Variants in CMTM7 observed in about 807,000 individuals in gnomAD.
CMTM7 encodes the protein CKLF like MARVEL transmembrane domain containing 7, also known as CKLF-like MARVEL transmembrane domain-containing protein 7.
A neutral mutation model predicts 19.3 loss-of-function variants in CMTM7; 7 were observed. That is an observed-to-expected ratio of 0.36 (90% CI 0.21 to 0.68). The LOEUF (loss-of-function observed/expected upper bound fraction) is 0.68. CMTM7 is among the 30% of genes least tolerant of loss of function. The pLI is 0.60. For missense variants in CMTM7, 193 were observed against 232.6 expected, an observed-to-expected ratio of 0.83 and a Z score of 1.11; for synonymous variants, 87 against 99.3, an observed-to-expected ratio of 0.88 and a Z score of 0.74.
intron 1 of CMTM7, among the ~76,000 whole-genome samples, chr3:32,418,849 T>C (rs1250250055): frequency 2.6e-5 from 4 of 152,214 alleles, no homozygotes; most frequent in Non-Finnish European, 4.4e-5. Flanking sequence ...AAAGTTGTTT[T>C]TGGTTATTCT....
intron 3 of CMTM7, among the ~76,000 whole-genome samples, chr3:32,450,526 A>T (rs1696814328): frequency 2.0e-5 from 3 of 152,100 alleles, no homozygotes; most frequent in African/African-American, 7.2e-5. Context: ...CCACTGAGGG[A>T]TGGAGTCTCT....
chr3:32,417,065 A>C (rs908206268), intron 1 of CMTM7, among the ~76,000 whole-genome samples: 1 of 152,214 alleles, frequency 6.6e-6, no homozygotes, highest in Non-Finnish European at 1.5e-5. Context: ...AGAAGTTTTT[A>C]GTCTGTTCAC....
At chr3:32,397,732 CAA>C (rs35149379) in intron 1 of CMTM7, among the ~76,000 whole-genome samples, 9,064 of 140,382 alleles carry the variant, frequency 0.065, 320 homozygotes, top group East Asian at 0.15. Flanking sequence ...GACTCTGTCT[CAA>C]AAAAAAAAAA....
chr3:32,451,737 A>C (rs1308077957), intron 3 of CMTM7: 1 of 222,410 alleles, frequency 4.5e-6, no homozygotes, highest in African/African-American at 2.4e-5. Context: ...TCCCACAGGC[A>C]CTCTTCGTCT....
intron 1 of CMTM7, among the ~76,000 whole-genome samples, chr3:32,441,439 G>A (rs1197524075): frequency 6.6e-6 from 1 of 152,198 alleles, no homozygotes; most frequent in Non-Finnish European, 1.5e-5. Flanking sequence ...TGGCAACTTC[G>A]TACAATTGGG....
chr3:32,392,534 G>A (rs1695854117), intron 1 of CMTM7, among the ~76,000 whole-genome samples: 1 of 152,254 alleles, frequency 6.6e-6, no homozygotes, highest in Non-Finnish European at 1.5e-5. Context: ...GCGCGGCAGG[G>A]CTTCCCTGCT....
In CMTM7 at chr3:32,424,668, A is replaced by G. The variant is rs148775700; in HGVS notation, c.160-17172A>G. Among the ~76,000 whole-genome samples the G allele has an allele frequency of 6.9e-3, 1,022 of 148,700 alleles. 12 individuals carry two copies. The highest frequency in any genetic ancestry group is 0.024 in the African/African-American group (963 of 40,330). On this transcript the variant is annotated intron_variant, in intron 1 of 4. Transcript: ENST00000334983. Reference sequence around the variant, plus strand: ...TTTTTTTTTGCGGCTGGGGGGATACATGGTCTCACTCTGTCGCCCAGGCTG... The same window carrying G: ...TTTTTTTTTGCGGCTGGGGGGATACGTGGTCTCACTCTGTCGCCCAGGCTG...
intron 1 of CMTM7, among the ~76,000 whole-genome samples, chr3:32,404,152 CT>C (rs869206404): frequency 7.6e-6 from 1 of 131,996 alleles, no homozygotes; most frequent in Non-Finnish European, 1.6e-5. Context: ...CTTTTTTTTT[CT>C]TTTTTTTTCT....
intron 1 of CMTM7, among the ~76,000 whole-genome samples, chr3:32,428,158 C>T (rs556866174): frequency 8.5e-5 from 13 of 152,142 alleles, no homozygotes; most frequent in Middle Eastern, 3.2e-3. Context: ...GAAGGATGCC[C>T]GCTTGTGGCT....
At chr3:32,424,961 G>T (rs1423518706) in intron 1 of CMTM7, among the ~76,000 whole-genome samples, 3 of 152,176 alleles carry the variant, frequency 2.0e-5, no homozygotes, top group African/African-American at 7.2e-5. Context: ...TATAGTTAGA[G>T]CTTTGCTGAA....
chr3:32,391,861 C>A lies in CMTM7; in HGVS notation c.-46C>A, dbSNP rs572660378. On this transcript the variant is annotated 5_prime_UTR_variant, in exon 1 of 5. Coordinates refer to ENST00000334983, the MANE Select transcript of CMTM7 (RefSeq NM_138410.4). ...CCCGGCCCGCCCTCTGTATCTGGCC[C>A]CTGGGCAGCTGCCCGGGGAGGCGGC... is the stretch of plus-strand genomic sequence containing the variant. 14,094 of 1,189,002 alleles carry A rather than the reference C, an allele frequency of 0.012. 120 individuals carry two copies. The highest frequency in any genetic ancestry group is 0.013 in the Non-Finnish European group (12,820 of 958,348). The allele number at this position is 1,189,002 out of a possible 1,614,324, so 73.7% of individuals were successfully genotyped here. A position where few individuals can be genotyped will look rare whatever the true frequency, so the allele number is the denominator to read the frequency against.
intron 1 of CMTM7, among the ~76,000 whole-genome samples, chr3:32,429,492 C>T (rs1696482125): frequency 6.6e-6 from 1 of 151,806 alleles, no homozygotes; most frequent in African/African-American, 2.4e-5. Context: ...AGGGTTTCAC[C>T]ATGTTGACTA....
At position 32,406,342 on chromosome 3, in the gene CMTM7, A is replaced by G. The variant is rs186835226; in HGVS notation, c.159+14277A>G. Among the ~76,000 whole-genome samples, 5 of 152,350 alleles carry G rather than the reference A, an allele frequency of 3.3e-5. No homozygotes were observed. The East Asian group carries it at 9.6e-4, about 29-fold the overall frequency. ...CATATCATAGTCTTGTGTATGTACA[A>G]GAATATGAGAAGGAGCAACTCCTGG... On this transcript the variant is annotated intron_variant, in intron 1 of 4. Transcript: ENST00000334983.
At chr3:32,442,697 T>C (rs2125640598) in intron 2 of CMTM7, among the ~76,000 whole-genome samples, 1 of 152,216 alleles carries the variant, frequency 6.6e-6, no homozygotes, top group South Asian at 2.1e-4. Context: ...AAGAGACTAG[T>C]GGGGGCTGAG....
At chr3:32,452,554 A>T in intron 4 of CMTM7, 81 bp downstream of exon 4, 1 of 1,407,952 alleles carries the variant, frequency 7.1e-7, no homozygotes, top group Non-Finnish European at 1.0e-6. Context: ...ATAGGGACAA[A>T]CCCTGCTGTT....
chr3:32,454,461 G>A lies in CMTM7; in HGVS notation c.*207G>A, dbSNP rs1372776426. 7.0e-6 allele frequency: 5 copies of A among 710,904 alleles called. No homozygotes were observed. The highest frequency in any genetic ancestry group is 1.5e-5 in the South Asian group (1 of 66,928). The allele number at this position is 710,904 out of a possible 1,614,324, so 44.0% of individuals were successfully genotyped here. On this transcript the variant is annotated 3_prime_UTR_variant, in exon 5 of 5. Transcript: ENST00000334983. ...GAAACTCTTCCTCCAGCCTTCCGGG[G>A]AGAACATCCCTCCCATTCTGGGAAA...
chr3:32,405,748 C>A (rs1393666924), intron 1 of CMTM7, among the ~76,000 whole-genome samples: 1 of 152,060 alleles, frequency 6.6e-6, no homozygotes, highest in Non-Finnish European at 1.5e-5. Context: ...AGAGCAAGAA[C>A]CCATTTCTTG....
intron 1 of CMTM7, among the ~76,000 whole-genome samples, chr3:32,403,384 C>CT (rs1696038891): frequency 6.6e-6 from 1 of 152,078 alleles, no homozygotes; most frequent in Non-Finnish European, 1.5e-5. Flanking sequence ...CCACGCCTGT[C>CT]TAATTTTTTG....
intron 1 of CMTM7, among the ~76,000 whole-genome samples, chr3:32,424,293 T>C (rs554267389): frequency 1.9e-4 from 29 of 152,096 alleles, no homozygotes; most frequent in South Asian, 8.3e-4. Context: ...AGCCTGAGAG[T>C]GCGGACCAGA....
Sources: allele counts gnomAD v4.1 joint callset (sites outside exome capture counted in the v4.1 genomes callset), GRCh38; gene constraint gnomAD v4.1.1; transcripts MANE v1.5; gene names NCBI Gene and HGNC (gene_info 2026-07-23, HGNC 2026-07-21).